The following ZNF385D variants were observed in gnomAD, a reference collection of about 807,000 sequenced individuals.
The protein encoded by ZNF385D is zinc finger protein 385D.
ZNF385D carries 15 observed loss-of-function variants against 35.8 expected under a neutral mutation model. That is an observed-to-expected ratio of 0.42 (90% CI 0.28 to 0.64). The LOEUF (loss-of-function observed/expected upper bound fraction) is 0.64. Ranked by LOEUF, ZNF385D falls within the 30% of genes least tolerant of loss-of-function variation. ZNF385D has a pLI of 0.23. For synonymous variants in ZNF385D, 212 were observed against 186.8 expected (o/e 1.13, Z -1.10); for missense variants, 474 against 494.6 (o/e 0.96, Z 0.39).
chr3:21,826,821 TAA>T (rs55642872), intron 3 of ZNF385D, among the ~76,000 whole-genome samples: 12,004 of 138,542 alleles, frequency 0.087, 565 homozygotes, highest in East Asian at 0.17. Flanking sequence ...ATCAGAAAAT[TAA>T]AAAAAAAAAA....
intron 3 of ZNF385D, among the ~76,000 whole-genome samples, chr3:21,528,250 C>T (rs1479701224): frequency 6.6e-6 from 1 of 151,796 alleles, no homozygotes; most frequent in East Asian, 1.9e-4. Flanking sequence ...TCTTTTACAC[C>T]AGAAACTAAA....
intron 3 of ZNF385D, among the ~76,000 whole-genome samples, chr3:22,159,999 C>A (rs1043820075): frequency 1.8e-4 from 27 of 151,800 alleles, no homozygotes; most frequent in East Asian, 5.8e-4. Flanking sequence ...AAGGAGAGAC[C>A]ATGTGGGGGT....
intron 2 of ZNF385D, among the ~76,000 whole-genome samples, chr3:21,600,880 T>TACAA (rs1553621035): frequency 1.3e-5 from 2 of 151,206 alleles, no homozygotes; most frequent in African/African-American, 4.9e-5. Flanking sequence ...AATTTAAAAA[T>TACAA]AATAAGTCAA....
intron 3 of ZNF385D, among the ~76,000 whole-genome samples, chr3:22,063,348 T>G (rs916520721): frequency 6.6e-6 from 1 of 152,184 alleles, no homozygotes; most frequent in Non-Finnish European, 1.5e-5. Flanking sequence ...TCATTTTGAT[T>G]AATCTTCTCT....
intron 4 of ZNF385D, among the ~76,000 whole-genome samples, chr3:21,461,712 C>T (rs980106413): frequency 6.6e-6 from 1 of 152,216 alleles, no homozygotes; most frequent in Non-Finnish European, 1.5e-5. Context: ...ATTTGCGCAG[C>T]AACTAATTAG....
intron 2 of ZNF385D, among the ~76,000 whole-genome samples, chr3:22,313,710 G>A (rs545768934): frequency 2.0e-5 from 3 of 152,250 alleles, no homozygotes; most frequent in East Asian, 1.9e-4. Flanking sequence ...GGCAGAGTCA[G>A]AATATCCTCA....
At chr3:22,036,704 AC>A (rs1698342367) in intron 3 of ZNF385D, among the ~76,000 whole-genome samples, 1 of 146,874 alleles carries the variant, frequency 6.8e-6, no homozygotes, top group Admixed American at 6.8e-5. Flanking sequence ...GAGTAGCCCT[AC>A]TAGGTTTTTT....
At chr3:21,909,337 A>C (rs1228030429) in intron 3 of ZNF385D, among the ~76,000 whole-genome samples, 5 of 152,036 alleles carry the variant, frequency 3.3e-5, no homozygotes, top group African/African-American at 1.2e-4. Context: ...AACAACACAA[A>C]ATAACTCTCA....
At chr3:21,521,393 C>T (rs547508629) in intron 3 of ZNF385D, among the ~76,000 whole-genome samples, 28 of 152,284 alleles carry the variant, frequency 1.8e-4, no homozygotes, top group African/African-American at 6.5e-4. Context: ...ACCAGATGCT[C>T]TTGTAGGTAC....
chr3:21,663,262 T>C (rs116142826), intron 2 of ZNF385D, among the ~76,000 whole-genome samples: 2,861 of 152,320 alleles, frequency 0.019, 45 homozygotes, highest in Non-Finnish European at 0.029. Flanking sequence ...ATCACTCATC[T>C]TTGTTTTATG....
At chr3:21,497,967 A>T (rs1252018230) in intron 4 of ZNF385D, among the ~76,000 whole-genome samples, 1 of 152,206 alleles carries the variant, frequency 6.6e-6, no homozygotes, top group Admixed American at 6.5e-5. Flanking sequence ...ACCCAAATTC[A>T]AACTGCAAGC....
At chr3:22,358,916 T>G (rs888475620) in intron 2 of ZNF385D, among the ~76,000 whole-genome samples, 1 of 151,658 alleles carries the variant, frequency 6.6e-6, no homozygotes, top group African/African-American at 2.4e-5. Context: ...TCTGTATGAC[T>G]TAGTGTCTAG....
At chr3:21,970,475 G>C (rs530720857) in intron 3 of ZNF385D, among the ~76,000 whole-genome samples, 110 of 151,184 alleles carry the variant, frequency 7.3e-4, no homozygotes, top group African/African-American at 2.5e-3. Context: ...TAGTGAGCTT[G>C]AATACAGGCT....
At chr3:21,705,794 G>C (rs1331023454) in intron 1 of ZNF385D, among the ~76,000 whole-genome samples, 1 of 152,164 alleles carries the variant, frequency 6.6e-6, no homozygotes, top group Non-Finnish European at 1.5e-5. Flanking sequence ...TTGCATTCGA[G>C]GTGGATTTTG....
At chr3:22,115,810 A>T (rs754537522) in intron 3 of ZNF385D, among the ~76,000 whole-genome samples, 7 of 152,052 alleles carry the variant, frequency 4.6e-5, no homozygotes, top group Admixed American at 1.3e-4. Context: ...ATCAGGAAAA[A>T]CCGCTAGCAG....
intron 2 of ZNF385D, among the ~76,000 whole-genome samples, chr3:21,570,887 C>A (rs1406950165): frequency 1.3e-5 from 2 of 152,008 alleles, no homozygotes; most frequent in Non-Finnish European, 2.9e-5. Flanking sequence ...ATTACATTGA[C>A]TTTGACTTAG....
chr3:21,772,100 T>A (rs114505357), intron 3 of ZNF385D, among the ~76,000 whole-genome samples: 3,951 of 152,016 alleles, frequency 0.026, 181 homozygotes, highest in African/African-American at 0.089. Flanking sequence ...AAGGCTTAAA[T>A]ATAAGAACGA....
At chr3:21,564,087 A>G (rs1232953676) in intron 3 of ZNF385D, among the ~76,000 whole-genome samples, 1 of 152,154 alleles carries the variant, frequency 6.6e-6, no homozygotes, top group Non-Finnish European at 1.5e-5. Flanking sequence ...CAATACTCCT[A>G]GGACAACTTG....
chr3:21,432,567 C>T (rs1199013705), intron 5 of ZNF385D, among the ~76,000 whole-genome samples: 4 of 151,678 alleles, frequency 2.6e-5, no homozygotes, highest in Non-Finnish European at 5.9e-5. Flanking sequence ...AAGCAGAGCA[C>T]TACCTACTAG....
Sources: allele counts gnomAD v4.1 joint callset (sites outside exome capture counted in the v4.1 genomes callset), GRCh38; gene constraint gnomAD v4.1.1; transcripts MANE v1.5; gene names NCBI Gene and HGNC (gene_info 2026-07-23, HGNC 2026-07-21).